CACHD1: variants seen among roughly 807,000 people sequenced by gnomAD.
CACHD1 encodes the protein VWFA and cache domain-containing protein 1.
In CACHD1, 71 loss-of-function variants were observed where a neutral mutation model predicts 138.7. The ratio of observed to expected loss-of-function variants is 0.51; its 90% confidence interval spans 0.42 to 0.62. The LOEUF (loss-of-function observed/expected upper bound fraction) is 0.62, where lower values mean the gene tolerates loss of function less well. Ranked by LOEUF, CACHD1 falls within the 20% of genes least tolerant of loss-of-function variation. The pLI is 0.00. For synonymous variants in CACHD1, 578 were observed against 591.5 expected, an observed-to-expected ratio of 0.98 and a Z score of 0.33; for missense variants, 1,389 against 1,625.3, an observed-to-expected ratio of 0.85 and a Z score of 2.50.
In CACHD1 at chr1:64,659,928, G is replaced by A. The variant is rs142953779; in HGVS notation, c.1951+1055G>A. ...TGTTCCTCTCTTAAATTCCATCCTC[G>A]AGAGTTCTGCCTGGACATGAGATCA... On this transcript the variant is annotated intron_variant, in intron 13 of 26. Transcript: ENST00000651257. Among the ~76,000 whole-genome samples, 245 of 152,196 alleles carry A rather than the reference G, an allele frequency of 1.6e-3. 4 individuals are homozygous for A. In the East Asian group the frequency reaches 0.041, roughly 26 times the overall value.
At chr1:64,684,028 T>C (rs1434783887) in intron 26 of CACHD1, among the ~76,000 whole-genome samples, 3 of 152,208 alleles carry the variant, frequency 2.0e-5, no homozygotes. Context: ...TAACAACACT[T>C]CGCATATACT....
At chr1:64,568,539 A>AC (rs1268923425) in intron 2 of CACHD1, among the ~76,000 whole-genome samples, 1 of 151,992 alleles carries the variant, frequency 6.6e-6, no homozygotes, top group African/African-American at 2.4e-5. Flanking sequence ...CCATCTCCCC[A>AC]CCCCCCATTT....
At chr1:64,522,030 CAAATCCAAGGCCATGAAG>C (rs1646501903) in intron 1 of CACHD1, among the ~76,000 whole-genome samples, 1 of 152,120 alleles carries the variant, frequency 6.6e-6, no homozygotes, top group Non-Finnish European at 1.5e-5. Flanking sequence ...AATCATTGGC[CAAATCCAAGGCCATGAAG>C]ATTGTCCCTG....
intron 3 of CACHD1, among the ~76,000 whole-genome samples, chr1:64,601,946 C>T (rs940712590): frequency 5.3e-5 from 8 of 152,318 alleles, no homozygotes; most frequent in Non-Finnish European, 7.4e-5. Flanking sequence ...ACTTTTGTTA[C>T]TCCTGGATGA....
At chr1:64,671,146 T>G (rs1649799879) in intron 16 of CACHD1, among the ~76,000 whole-genome samples, 1 of 152,076 alleles carries the variant, frequency 6.6e-6, no homozygotes, top group South Asian at 2.1e-4. Context: ...GAGATCTCAG[T>G]TTTCTTATCT....
chr1:64,555,179 G>C (rs1186787179), intron 2 of CACHD1, among the ~76,000 whole-genome samples: 1 of 151,874 alleles, frequency 6.6e-6, no homozygotes, highest in Admixed American at 6.6e-5. Context: ...TGTGGAGACA[G>C]GGTTTCTCCA....
intron 2 of CACHD1, among the ~76,000 whole-genome samples, chr1:64,567,038 G>C (rs941016307): frequency 6.6e-6 from 1 of 152,118 alleles, no homozygotes. Flanking sequence ...GACCATGACA[G>C]AATAGTTCAC....
At position 64,634,242 on chromosome 1, in the gene CACHD1, A is replaced by G. The variant is rs1210531808; in HGVS notation, c.988A>G (p.Asn330Asp). Residue 330 changes from asparagine to aspartate, a missense_variant, in exon 7 of 27, where the codon AAC becomes GAC. By Grantham distance (23) the Asn-to-Asp change is conservative. Coordinates refer to ENST00000651257, the MANE Select transcript of CACHD1 (RefSeq NM_020925.4). ...TCAGCTGATTCGAAGTACAAACAAT[A>G]ACACAAAGTTCCAAGCAAGTGAGTG... ...AFQLIRSTNNNTKFQANTDMV... is the reference protein window; with the variant it reads ...AFQLIRSTNNDTKFQANTDMV... 1.2e-6 allele frequency: 2 copies of G among 1,614,000 alleles called. No individual in the cohort carries two copies. Among genetic ancestry groups the G allele is most frequent in the East Asian group, 2.2e-5 (1 of 44,862 alleles).
At chr1:64,542,487 C>T (rs2100431471) in intron 1 of CACHD1, among the ~76,000 whole-genome samples, 1 of 151,842 alleles carries the variant, frequency 6.6e-6, no homozygotes, top group Admixed American at 6.6e-5. Flanking sequence ...TTATTTTCTC[C>T]TCAGAAAGCT....
chr1:64,561,788 G>A (rs1353651016), intron 2 of CACHD1, among the ~76,000 whole-genome samples: 1 of 148,310 alleles, frequency 6.7e-6, no homozygotes, highest in Non-Finnish European at 1.5e-5. Context: ...AGCCAAGGAG[G>A]TTGAGGCTAC....
At chr1:64,646,278 C>T (rs1333049140) in intron 8 of CACHD1, among the ~76,000 whole-genome samples, 1 of 152,144 alleles carries the variant, frequency 6.6e-6, no homozygotes, top group Admixed American at 6.5e-5. Context: ...AACTTTTACT[C>T]TGGAGTGTAC....
At chr1:64,571,734 G>A (rs115339312) in intron 2 of CACHD1, among the ~76,000 whole-genome samples, 9,280 of 152,254 alleles carry the variant, frequency 0.061, 317 homozygotes, top group Middle Eastern at 0.071. Flanking sequence ...ATCCTCTAAC[G>A]GGAGGCTAGG....
Position 64,470,820 on chromosome 1 carries a change from G to A in CACHD1, c.76G>A (p.Val26Ile), listed in dbSNP as rs1646138787. ...RRPPLWLLCL[V>I]ACWLLGAGAE... The stretch of plus-strand genomic sequence containing the variant: ...GCCGCCCCTCTGGCTGCTCTGCCTG[G>A]TCGCGTGCTGGCTCCTGGGCGCCGG... The change falls in exon 1 of 27, where the codon GTC becomes ATC. Residue 26 changes from valine (V) to isoleucine (I), a missense_variant. Coordinates refer to ENST00000651257, the MANE Select transcript of CACHD1 (RefSeq NM_020925.4). This position sits in a 1 kb window ranked among gnomAD's most constrained non-coding sequence, Gnocchi z 5.2. 1.3e-6 allele frequency: 2 copies of A among 1,489,786 alleles called. No individual in the cohort carries two copies. Among genetic ancestry groups the A allele is most frequent in the African/African-American group, 1.4e-5 (1 of 72,852 alleles). 92.3% of individuals were successfully genotyped at this position (1,489,786 alleles called of 1,614,324 possible).
At chr1:64,498,787 T>C (rs898183436) in intron 1 of CACHD1, among the ~76,000 whole-genome samples, 1 of 152,252 alleles carries the variant, frequency 6.6e-6, no homozygotes, top group Admixed American at 6.5e-5. Flanking sequence ...CTCCTATTCT[T>C]GAGTAAGGTG....
rs529162631 is a variant in CACHD1, at chr1:64,522,254, G to A, written c.199-28340G>A. ...TTTGGCACCCTTCAAGACCATAGAT[G>A]GCCATAGATGTATGGGTTGAAACAA... On this transcript the variant is annotated intron_variant, in intron 1 of 26. Transcript: ENST00000651257. Among the ~76,000 whole-genome samples, 11 of 152,146 alleles carry A rather than the reference G, an allele frequency of 7.2e-5. No individual in the cohort carries two copies. The South Asian group carries it at 2.1e-3, about 29-fold the overall frequency.
At chr1:64,684,727 T>A (rs549762936) in intron 26 of CACHD1, among the ~76,000 whole-genome samples, 1 of 152,356 alleles carries the variant, frequency 6.6e-6, no homozygotes, top group East Asian at 1.9e-4. Flanking sequence ...AGTCACTCAC[T>A]GGCTCACACA....
At chr1:64,625,524 G>A (rs982664021) in intron 4 of CACHD1, among the ~76,000 whole-genome samples, 3 of 152,000 alleles carry the variant, frequency 2.0e-5, no homozygotes, top group East Asian at 3.9e-4. Context: ...CTACTTGGGC[G>A]GCTGAGGCAG....
chr1:64,491,097 A>T (rs1304065084), intron 1 of CACHD1, among the ~76,000 whole-genome samples: 1 of 152,246 alleles, frequency 6.6e-6, no homozygotes, highest in South Asian at 2.1e-4. Flanking sequence ...AATAATGTCT[A>T]GAATTTGTTA....
chr1:64,638,110 C>T lies in CACHD1; in HGVS notation c.1007-3710C>T, dbSNP rs1321750238. Among the ~76,000 whole-genome samples the T allele has an allele frequency of 3.9e-5, 6 of 152,152 alleles. No homozygotes were observed. In the East Asian group the frequency reaches 7.7e-4, roughly 20 times the overall value. On this transcript the variant is annotated intron_variant, in intron 7 of 26. Coordinates refer to ENST00000651257, the MANE Select transcript of CACHD1 (RefSeq NM_020925.4). ...AGCTCCAGCTAAACTAGATCAGATG[C>T]CCTAGATGTCCTAAGTTGACCTCAG... is the stretch of plus-strand genomic sequence containing the variant.
Sources: allele counts gnomAD v4.1 joint callset (sites outside exome capture counted in the v4.1 genomes callset), GRCh38; gene constraint gnomAD v4.1.1; non-coding constraint Gnocchi (gnomAD v3.1); transcripts MANE v1.5; gene names NCBI Gene and HGNC (gene_info 2026-07-23, HGNC 2026-07-21).